The following EPC2 variants were observed in gnomAD, a reference collection of about 807,000 sequenced individuals.
The protein encoded by EPC2 is enhancer of polycomb homolog 2.
In EPC2, 14 loss-of-function variants were observed where a neutral mutation model predicts 92.1. The observed-to-expected ratio is 0.15, with a 90% CI of 0.10 to 0.24. EPC2 has a LOEUF of 0.24. EPC2 is among the 10% of genes least tolerant of loss of function. EPC2 has a pLI of 1.00. For synonymous variants in EPC2, 340 were observed against 334.7 expected (o/e 1.02, Z -0.17); for missense variants, 755 against 971.5 (o/e 0.78, Z 2.96).
intron 1 of EPC2, among the ~76,000 whole-genome samples, chr2:148,660,198 GAGAGAA>G (rs758961519): frequency 3.3e-5 from 5 of 152,082 alleles, no homozygotes; most frequent in Non-Finnish European, 5.9e-5. Flanking sequence ...GTGTGTAAGA[GAGAGAA>G]AGAGAAAGAG....
intron 2 of EPC2, among the ~76,000 whole-genome samples, chr2:148,732,151 ATCT>A (rs531930121): frequency 1.2e-3 from 179 of 152,248 alleles, no homozygotes; most frequent in Non-Finnish European, 1.7e-3. Flanking sequence ...ATAAAGTAAA[ATCT>A]TCTGTGGGAA....
intron 1 of EPC2, among the ~76,000 whole-genome samples, chr2:148,689,453 C>T (rs1445838454): frequency 6.6e-6 from 1 of 152,176 alleles, no homozygotes; most frequent in African/African-American, 2.4e-5. Context: ...GCTGGGATTA[C>T]AGGCATGAGC....
intron 1 of EPC2, among the ~76,000 whole-genome samples, chr2:148,684,857 A>T (rs143951121): frequency 2.4e-4 from 36 of 152,354 alleles, no homozygotes; most frequent in African/African-American, 7.9e-4. Flanking sequence ...TTCCATAGTC[A>T]TACATGCCGG....
intron 13 of EPC2, 66 bp from the exon 14 acceptor site, chr2:148,786,239 C>G (rs988237193): frequency 6.8e-5 from 86 of 1,266,186 alleles, no homozygotes; most frequent in Non-Finnish European, 9.1e-5. Context: ...TTGTAAAATA[C>G]TAAATGGTAA....
At chr2:148,766,030 C>T (rs1228732049) in intron 7 of EPC2, among the ~76,000 whole-genome samples, 2 of 152,018 alleles carry the variant, frequency 1.3e-5, no homozygotes, top group Non-Finnish European at 2.9e-5. Context: ...AGCGAGACGA[C>T]GTCTCAAAAA....
intron 2 of EPC2, among the ~76,000 whole-genome samples, chr2:148,699,829 C>T (rs1328946818): frequency 6.6e-6 from 1 of 151,900 alleles, no homozygotes; most frequent in Non-Finnish European, 1.5e-5. Context: ...GTGGCTGTAC[C>T]ATTTTGCATT....
intron 5 of EPC2, 165 bp downstream of exon 5, chr2:148,762,095 ATTAAG>A (rs1683310214): frequency 1.9e-6 from 1 of 534,038 alleles, no homozygotes; most frequent in African/African-American, 2.0e-5. Flanking sequence ...GTTTTTATAG[ATTAAG>A]TTATCAATTT....
At chr2:148,656,983 G>T (rs1680814753) in intron 1 of EPC2, among the ~76,000 whole-genome samples, 2 of 152,010 alleles carry the variant, frequency 1.3e-5, no homozygotes, top group Non-Finnish European at 2.9e-5. Context: ...ATTCCTGTAT[G>T]CCAGAATGCC....
At chr2:148,772,550 T>C (rs1683547667) in intron 10 of EPC2, among the ~76,000 whole-genome samples, 1 of 152,232 alleles carries the variant, frequency 6.6e-6, no homozygotes, top group African/African-American at 2.4e-5. Flanking sequence ...GTTTTCCAAC[T>C]TGACTCGTAC....
At chr2:148,731,381 A>G (rs1682624707) in intron 2 of EPC2, among the ~76,000 whole-genome samples, 1 of 152,196 alleles carries the variant, frequency 6.6e-6, no homozygotes, top group South Asian at 2.1e-4. Context: ...AGATATTGAC[A>G]AATAATTTCC....
At chr2:148,753,102 C>T (rs1683109643) in intron 3 of EPC2, among the ~76,000 whole-genome samples, 1 of 152,132 alleles carries the variant, frequency 6.6e-6, no homozygotes, top group South Asian at 2.1e-4. Flanking sequence ...CTGCTAAAGC[C>T]GATTGTCTTA....
rs562513557 is a variant in EPC2, at chr2:148,710,959, T to C, written c.313+20586T>C. On this transcript the variant is annotated intron_variant, in intron 2 of 13. Transcript: ENST00000258484. ...ACACACACAATCTCCCCCACGGATATCCTCCACTATATTTCATTCAGTCTC... is the reference window on the plus strand; with the variant it reads ...ACACACACAATCTCCCCCACGGATACCCTCCACTATATTTCATTCAGTCTC... 5.3e-5 allele frequency among the ~76,000 whole-genome samples: 8 copies of C among 152,260 alleles called. No homozygotes were observed. The East Asian group carries it at 1.5e-3, about 29-fold the overall frequency.
chr2:148,759,873 T>C (rs1574627119), intron 4 of EPC2, among the ~76,000 whole-genome samples: 1 of 152,180 alleles, frequency 6.6e-6, no homozygotes, highest in East Asian at 1.9e-4. Context: ...AGGTTTTGTT[T>C]TTGTTTTTTA....
chr2:148,645,971 G>A (rs981757229), intron 1 of EPC2, among the ~76,000 whole-genome samples: 1 of 152,228 alleles, frequency 6.6e-6, no homozygotes, highest in Non-Finnish European at 1.5e-5. Flanking sequence ...ATCTAAATTG[G>A]CAGTTGTAAT....
At chr2:148,770,677 G>A in intron 8 of EPC2, 115 bp from the exon 9 acceptor site, 1 of 1,169,908 alleles carries the variant, frequency 8.5e-7, no homozygotes, top group East Asian at 2.8e-5. Context: ...TTTATATCTA[G>A]ATTTTAATTG....
At chr2:148,651,067 A>G (rs1368595369) in intron 1 of EPC2, among the ~76,000 whole-genome samples, 1 of 152,200 alleles carries the variant, frequency 6.6e-6, no homozygotes, top group Non-Finnish European at 1.5e-5. Flanking sequence ...AGAAAGTTAA[A>G]TGTTAGTGTA....
intron 1 of EPC2, among the ~76,000 whole-genome samples, chr2:148,679,482 C>T (rs1681345818): frequency 6.6e-6 from 1 of 152,148 alleles, no homozygotes; most frequent in African/African-American, 2.4e-5. Flanking sequence ...TGCAAGGTGA[C>T]ATTGTATATT....
chr2:148,693,542 C>T (rs1214227895), intron 2 of EPC2, among the ~76,000 whole-genome samples: 2 of 152,192 alleles, frequency 1.3e-5, no homozygotes, highest in Admixed American at 6.5e-5. Context: ...ATGACACCAA[C>T]CTTATTGAAA....
intron 3 of EPC2, among the ~76,000 whole-genome samples, chr2:148,747,142 AT>A (rs1683000163): frequency 6.6e-6 from 1 of 151,946 alleles, no homozygotes. Flanking sequence ...TGAACACCCG[AT>A]TTTTAGTTAC....
Sources: gnomAD v4.1 joint callset for allele counts (sites outside exome capture counted in the v4.1 genomes callset) on GRCh38, gnomAD v4.1.1 for gene constraint, MANE v1.5 for transcripts, NCBI Gene and HGNC (gene_info 2026-07-23, HGNC 2026-07-21) for gene names.